The following TENM3 variants were observed in gnomAD, a reference collection of about 807,000 sequenced individuals.
The protein encoded by TENM3 is teneurin transmembrane protein 3.
A neutral mutation model predicts 255.1 loss-of-function variants in TENM3; 63 were observed. The observed-to-expected ratio is 0.25, with a 90% confidence interval of 0.20 to 0.30. The LOEUF is 0.30. TENM3 is among the 10% of genes least tolerant of loss of function. The probability of loss-of-function intolerance (pLI) is 1.00; values close to 1 mark genes in which losing one functional copy is unlikely to be tolerated. For missense variants in TENM3, 2,929 were observed against 3,461.1 expected (o/e 0.85, Z 3.86); for synonymous variants, 1,306 against 1,322.3 (o/e 0.99, Z 0.27).
chr4:182,397,822 A>T (rs1561405396), intron 3 of TENM3, among the ~76,000 whole-genome samples: 1 of 152,106 alleles, frequency 6.6e-6, no homozygotes, highest in Non-Finnish European at 1.5e-5. Flanking sequence ...GCTGATGTTG[A>T]TGCTGCTGGT....
the TENM3 span, among the ~76,000 whole-genome samples, chr4:181,612,600 C>T: frequency 6.6e-6 from 1 of 151,920 alleles, no homozygotes; most frequent in African/African-American, 2.4e-5. Context: ...TGGGGCAATA[C>T]CTCATTGTGT....
the TENM3 span, among the ~76,000 whole-genome samples, chr4:181,599,932 G>T: frequency 6.6e-6 from 1 of 151,888 alleles, no homozygotes; most frequent in Non-Finnish European, 1.5e-5. Flanking sequence ...TACATTTACC[G>T]GTGAGTTCCT....
rs186986041 is a variant in TENM3, at chr4:182,153,843, T to C, written c.-76+9089T>C. On this transcript the variant is annotated intron_variant, in intron 1 of 2. Coordinates refer to the TENM3 transcript ENST00000512480. The stretch of plus-strand genomic sequence containing the variant: ...AATCATGAATGTATCACGTATTTCA[T>C]GTAAATGTGATGTAAGACGTGTGGA... 3.1e-4 allele frequency among the ~76,000 whole-genome samples: 47 copies of C among 152,268 alleles called. No homozygotes were observed. In the East Asian group the frequency reaches 4.4e-3, roughly 14 times the overall value.
the TENM3 span, among the ~76,000 whole-genome samples, chr4:182,102,573 C>T: frequency 6.6e-6 from 1 of 152,158 alleles, no homozygotes; most frequent in East Asian, 1.9e-4. Flanking sequence ...CCTGGGAACT[C>T]CTGGAATTGT....
intron 3 of TENM3, among the ~76,000 whole-genome samples, chr4:182,592,612 C>G (rs1658959083): frequency 6.6e-6 from 1 of 152,206 alleles, no homozygotes; most frequent in African/African-American, 2.4e-5. Flanking sequence ...GTAATCTCAA[C>G]TACTTGGGAG....
chr4:182,271,640 C>A (rs1759632850), intron 1 of TENM3, among the ~76,000 whole-genome samples: 1 of 152,202 alleles, frequency 6.6e-6, no homozygotes, highest in Admixed American at 6.5e-5. Flanking sequence ...ATGCCTTTGT[C>A]TCGGAACCTC....
the TENM3 span, among the ~76,000 whole-genome samples, chr4:181,597,662 A>G: frequency 2.6e-5 from 4 of 152,214 alleles, no homozygotes; most frequent in Non-Finnish European, 5.9e-5. Flanking sequence ...AAAATAGCTT[A>G]CCAAAGGTTC....
At chr4:181,957,313 TGACC>T in the TENM3 span, among the ~76,000 whole-genome samples, 1 of 152,184 alleles carries the variant, frequency 6.6e-6, no homozygotes, top group Non-Finnish European at 1.5e-5. Context: ...CAGAAGTTAA[TGACC>T]GATTGTTATC....
At chr4:181,999,622 C>A in the TENM3 span, among the ~76,000 whole-genome samples, 1 of 152,068 alleles carries the variant, frequency 6.6e-6, no homozygotes, top group Non-Finnish European at 1.5e-5. Context: ...CATGAGCTAC[C>A]AAATGTCATC....
At chr4:181,738,204 T>C in the TENM3 span, among the ~76,000 whole-genome samples, 6 of 152,230 alleles carry the variant, frequency 3.9e-5, no homozygotes, top group Admixed American at 2.0e-4. Flanking sequence ...GTAAGGTTTG[T>C]GGCTGTTATT....
the TENM3 span, among the ~76,000 whole-genome samples, chr4:182,107,671 A>G: frequency 1.3e-5 from 2 of 152,210 alleles, no homozygotes; most frequent in African/African-American, 4.8e-5. Context: ...AAGGACAGGT[A>G]CTTAAAAATA....
chr4:181,963,803 A>G, the TENM3 span, among the ~76,000 whole-genome samples: 1 of 152,316 alleles, frequency 6.6e-6, no homozygotes, highest in Middle Eastern at 3.4e-3. Context: ...GGTGCAATGA[A>G]AAATGATCAT....
chr4:181,848,515 C>T, the TENM3 span, among the ~76,000 whole-genome samples: 1 of 152,158 alleles, frequency 6.6e-6, no homozygotes, highest in African/African-American at 2.4e-5. Context: ...ATCATGTGTC[C>T]ACAAACAGTG....
the TENM3 span, among the ~76,000 whole-genome samples, chr4:182,002,808 G>T: frequency 1.3e-5 from 2 of 151,992 alleles, no homozygotes; most frequent in Non-Finnish European, 2.9e-5. Context: ...TCTGAAAGAA[G>T]ACCTGCATTC....
intron 1 of TENM3, among the ~76,000 whole-genome samples, chr4:182,254,812 G>A (rs1167383194): frequency 1.3e-5 from 2 of 152,092 alleles, no homozygotes; most frequent in Admixed American, 6.5e-5. Context: ...ACAATCAACA[G>A]TGAAGATAAT....
intron 5 of TENM3, among the ~76,000 whole-genome samples, chr4:182,630,753 AT>A (rs757612634): frequency 2.3e-3 from 345 of 146,862 alleles, no homozygotes; most frequent in African/African-American, 7.2e-3. Flanking sequence ...TTATTTATTT[AT>A]TTTATTTTAT....
At chr4:182,279,769 T>G (rs1395775783) in intron 1 of TENM3, among the ~76,000 whole-genome samples, 1 of 152,214 alleles carries the variant, frequency 6.6e-6, no homozygotes, top group African/African-American at 2.4e-5. Flanking sequence ...ATATGCTTTA[T>G]AATTTTTGCT....
chr4:182,155,074 G>A (rs182844159), intron 1 of TENM3, among the ~76,000 whole-genome samples: 4 of 152,158 alleles, frequency 2.6e-5, no homozygotes, highest in East Asian at 1.9e-4. Flanking sequence ...TTTAGTCAGC[G>A]TCAATCAAAT....
chr4:182,339,804 C>T (rs539689141), intron 2 of TENM3, among the ~76,000 whole-genome samples: 15 of 152,210 alleles, frequency 9.9e-5, no homozygotes, highest in African/African-American at 3.4e-4. Flanking sequence ...CAGATATCAG[C>T]AGATACATTG....
Sources: allele counts gnomAD v4.1 joint callset (sites outside exome capture counted in the v4.1 genomes callset), GRCh38; gene constraint gnomAD v4.1.1; transcripts MANE v1.5; gene names NCBI Gene and HGNC (gene_info 2026-07-23, HGNC 2026-07-21).